Variants in ERC2 observed in about 807,000 individuals in gnomAD.
ERC2 encodes the protein ERC protein 2.
Under a neutral mutation model 114.8 loss-of-function variants are expected in ERC2, and 42 were observed. The observed-to-expected ratio is 0.37, with a 90% CI of 0.29 to 0.47. The LOEUF (loss-of-function observed/expected upper bound fraction) is 0.47. ERC2 is among the 20% of genes least tolerant of loss of function. The pLI is 0.99. For synonymous variants in ERC2, 454 were observed against 425.5 expected (o/e 1.07, Z -0.82); for missense variants, 939 against 1,150.7 (o/e 0.82, Z 2.66).
chr3:55,656,351 T>A (rs560324754), intron 17 of ERC2, among the ~76,000 whole-genome samples: 1 of 152,160 alleles, frequency 6.6e-6, no homozygotes, highest in East Asian at 1.9e-4. Context: ...GAGCTGGGAG[T>A]CTCACTATGT....
chr3:56,209,735 T>C (rs1209973014), intron 3 of ERC2, among the ~76,000 whole-genome samples: 1 of 152,178 alleles, frequency 6.6e-6, no homozygotes, highest in African/African-American at 2.4e-5. Flanking sequence ...CAGAGAATAG[T>C]GTCAGTAAGC....
intron 13 of ERC2, among the ~76,000 whole-genome samples, chr3:55,944,062 G>A (rs2066979106): frequency 6.6e-6 from 1 of 152,158 alleles, no homozygotes; most frequent in East Asian, 1.9e-4. Context: ...GTGTGAGTTT[G>A]CTTAGAAAGC....
chr3:55,776,251 C>T (rs1187879267), intron 14 of ERC2, among the ~76,000 whole-genome samples: 2 of 152,020 alleles, frequency 1.3e-5, no homozygotes, highest in Non-Finnish European at 2.9e-5. Flanking sequence ...GTCCTAGGTC[C>T]TGGAAATCTC....
chr3:55,667,781 A>G (rs1272238733), intron 17 of ERC2, among the ~76,000 whole-genome samples: 2 of 152,184 alleles, frequency 1.3e-5, no homozygotes, highest in Non-Finnish European at 2.9e-5. Context: ...GACCCTAGAG[A>G]GTTTACGAAA....
chr3:55,796,156 G>T, intron 14 of ERC2, among the ~76,000 whole-genome samples: 1 of 152,220 alleles, frequency 6.6e-6, no homozygotes, highest in East Asian at 1.9e-4. Flanking sequence ...GGCTATAGCA[G>T]AGGAAGCCAG....
intron 2 of ERC2, among the ~76,000 whole-genome samples, chr3:56,345,849 G>A (rs1252798345): frequency 1.3e-5 from 2 of 152,242 alleles, no homozygotes; most frequent in East Asian, 3.8e-4. Context: ...ATGTCATGGA[G>A]TGTGCAGGGT....
chr3:56,196,325 T>C (rs1374606485), intron 3 of ERC2, among the ~76,000 whole-genome samples: 1 of 152,136 alleles, frequency 6.6e-6, no homozygotes, highest in African/African-American at 2.4e-5. Flanking sequence ...TGAGATAATG[T>C]CCACTATATC....
chr3:55,685,309 T>C (rs2062269807), intron 16 of ERC2, among the ~76,000 whole-genome samples: 1 of 152,176 alleles, frequency 6.6e-6, no homozygotes, highest in Non-Finnish European at 1.5e-5. Context: ...AGTATGAATT[T>C]TCACTTGACA....
At chr3:56,123,978 T>G (rs998762859) in intron 6 of ERC2, among the ~76,000 whole-genome samples, 1 of 152,202 alleles carries the variant, frequency 6.6e-6, no homozygotes, top group Non-Finnish European at 1.5e-5. Context: ...CAGATAATTG[T>G]TAAAGTCCAT....
intron 17 of ERC2, among the ~76,000 whole-genome samples, chr3:55,582,182 T>C (rs981680919): frequency 2.0e-5 from 3 of 152,182 alleles, no homozygotes; most frequent in Admixed American, 1.3e-4. Context: ...CCCAGTAACA[T>C]CCTGCATGTA....
intron 2 of ERC2, among the ~76,000 whole-genome samples, chr3:56,403,923 C>G (rs1400700483): frequency 2.0e-5 from 3 of 152,182 alleles, no homozygotes; most frequent in Non-Finnish European, 4.4e-5. Context: ...AAGCTGGATA[C>G]CATGCTGCTT....
At chr3:55,721,030 G>C (rs1414364397) in intron 15 of ERC2, among the ~76,000 whole-genome samples, 1 of 152,230 alleles carries the variant, frequency 6.6e-6, no homozygotes, top group African/African-American at 2.4e-5. Flanking sequence ...GAGTGGAGGT[G>C]AGTCAATGAG....
chr3:56,321,648 A>G lies in ERC2; in HGVS notation c.658-25213T>C, dbSNP rs185997619. 4.6e-4 allele frequency among the ~76,000 whole-genome samples: 70 copies of G among 152,298 alleles called. 1 individual carries two copies. The highest frequency in any genetic ancestry group is 3.7e-3 in the Admixed American group (56 of 15,296). ...CCTGTTGGACTGTCTCTGATTATAT[A>G]AGTTTGTTGGCTGCTTCTGATCAGT... is the stretch of plus-strand genomic sequence containing the variant. On this transcript the variant is annotated intron_variant, in intron 2 of 17. Transcript: ENST00000288221.
chr3:55,811,561 G>A (rs1270623366), intron 14 of ERC2, among the ~76,000 whole-genome samples: 1 of 152,168 alleles, frequency 6.6e-6, no homozygotes, highest in East Asian at 1.9e-4. Context: ...TACACAGATG[G>A]AGTTCTGCCA....
At chr3:55,994,647 TAAAAAAAAA>T (rs10662566) in intron 10 of ERC2, among the ~76,000 whole-genome samples, 1 of 61,396 alleles carries the variant, frequency 1.6e-5, no homozygotes, top group African/African-American at 7.0e-5. Context: ...ACATACTCCC[TAAAAAAAAA>T]AAAAAAAAAA....
rs1174984577 is a variant in ERC2, at chr3:56,296,439, C to T, written c.658-4G>A. The stretch of plus-strand genomic sequence containing the variant: ...CCTGGATTGTCAACTGTAGGTGCTG[C>T]AATGAGAAAGATGGAGCGGGAGAGG... On this transcript the variant is annotated splice_region_variant and splice_polypyrimidine_tract_variant and intron_variant, in intron 2 of 17. Transcript: ENST00000288221. 1 of 1,600,098 alleles carries T rather than the reference C, an allele frequency of 6.2e-7. No homozygotes were observed. The highest frequency in any genetic ancestry group is 8.5e-7 in the Non-Finnish European group (1 of 1,171,106).
At chr3:55,653,099 T>A (rs1168680182) in intron 17 of ERC2, among the ~76,000 whole-genome samples, 1 of 152,128 alleles carries the variant, frequency 6.6e-6, no homozygotes, top group Non-Finnish European at 1.5e-5. Context: ...AACTAAATCT[T>A]GGTGGTAGGT....
intron 14 of ERC2, among the ~76,000 whole-genome samples, chr3:55,832,754 C>A (rs933015881): frequency 6.6e-6 from 1 of 152,156 alleles, no homozygotes; most frequent in South Asian, 2.1e-4. Context: ...CAAAGCTGGA[C>A]GGAGAATAAC....
At chr3:56,100,931 C>T (rs1312325552) in intron 6 of ERC2, among the ~76,000 whole-genome samples, 3 of 152,178 alleles carry the variant, frequency 2.0e-5, no homozygotes, top group African/African-American at 4.8e-5. Flanking sequence ...CCCTCTCTTA[C>T]CTCTAACAGT....
Sources: gnomAD v4.1 joint callset for allele counts (sites outside exome capture counted in the v4.1 genomes callset) on GRCh38, gnomAD v4.1.1 for gene constraint, MANE v1.5 for transcripts, NCBI Gene and HGNC (gene_info 2026-07-23, HGNC 2026-07-21) for gene names.